The following PRKG1 variants were observed in gnomAD, a reference collection of about 807,000 sequenced individuals.
PRKG1 encodes the protein protein kinase cGMP-dependent 1.
Under a neutral mutation model 88.1 loss-of-function variants are expected in PRKG1, and 35 were observed. The ratio of observed to expected loss-of-function variants is 0.40; its 90% CI spans 0.30 to 0.53. The LOEUF is 0.53. Among genes scored for constraint, PRKG1 ranks in the 20% least tolerant of loss-of-function variants. The pLI, the probability that PRKG1 is intolerant of heterozygous loss-of-function variation, is 0.59. For synonymous variants in PRKG1, 303 were observed against 292.5 expected (o/e 1.04, Z -0.37); for missense variants, 540 against 839.8 (o/e 0.64, Z 4.41).
intron 5 of PRKG1, among the ~76,000 whole-genome samples, chr10:51,986,312 A>G (rs1844156079): frequency 6.6e-6 from 1 of 152,220 alleles, no homozygotes; most frequent in Non-Finnish European, 1.5e-5. Flanking sequence ...TCCTGTAGTT[A>G]TTTCCTTCAA....
At chr10:52,103,700 T>C (rs1847348155) in intron 7 of PRKG1, among the ~76,000 whole-genome samples, 2 of 151,984 alleles carry the variant, frequency 1.3e-5, no homozygotes, top group Non-Finnish European at 2.9e-5. Context: ...GGATTGGCAC[T>C]CCAACCCCTG....
intron 5 of PRKG1, among the ~76,000 whole-genome samples, chr10:51,924,168 CTTTA>C (rs377283465): frequency 6.6e-6 from 1 of 152,140 alleles, no homozygotes; most frequent in African/African-American, 2.4e-5. Context: ...AGTTTCTGAC[CTTTA>C]TCATTTTCCA....
At chr10:51,029,619 C>T (rs1251795654) in intron 1 of PRKG1, among the ~76,000 whole-genome samples, 1 of 152,098 alleles carries the variant, frequency 6.6e-6, no homozygotes, top group Non-Finnish European at 1.5e-5. Context: ...CAGTAGACCT[C>T]AAAAATTAGG....
chr10:52,022,082 T>C lies in PRKG1; in HGVS notation c.763-32402T>C, dbSNP rs903225750. ...CAGTAGAAGGTGATAAGATACTCTC[T>C]CAAGACTCTGAGTAGCAGTGCAGCT... On this transcript the variant is annotated intron_variant, in intron 5 of 17. Transcript: ENST00000373980. Among the ~76,000 whole-genome samples, 6 of 152,192 alleles carry C rather than the reference T, an allele frequency of 3.9e-5. No individual in the cohort carries two copies. The East Asian group carries it at 1.2e-3, about 29-fold the overall frequency.
rs190319247 is a variant in PRKG1, at chr10:51,018,570, A to G, written c.266+26926A>G. 1.6e-3 allele frequency among the ~76,000 whole-genome samples: 243 copies of G among 152,318 alleles called. 1 individual carries two copies. The highest frequency in any genetic ancestry group is 5.7e-3 in the African/African-American group (239 of 41,586). On this transcript the variant is annotated intron_variant, in intron 1 of 17. Coordinates refer to the PRKG1 transcript ENST00000401604. ...TAAAATCAGTTTTTTTGATAAGGAC[A>G]CTGAAGCAGAAAGAGGTGAATTTAG... is the stretch of plus-strand genomic sequence containing the variant.
At chr10:52,150,172 A>T (rs1564490942) in intron 8 of PRKG1, among the ~76,000 whole-genome samples, 69 of 143,330 alleles carry the variant, frequency 4.8e-4, no homozygotes, top group Middle Eastern at 3.6e-3. Flanking sequence ...AATAATAATA[A>T]TAATAATAAT....
chr10:51,965,234 A>C (rs1843539598), intron 5 of PRKG1, among the ~76,000 whole-genome samples: 1 of 151,552 alleles, frequency 6.6e-6, no homozygotes, highest in Non-Finnish European at 1.5e-5. Context: ...CTCTCTTCCC[A>C]CTCTCCACCC....
intron 12 of PRKG1, among the ~76,000 whole-genome samples, chr10:52,274,512 T>C (rs1841818821): frequency 7.0e-6 from 1 of 142,142 alleles, no homozygotes; most frequent in Non-Finnish European, 1.5e-5. Context: ...TATATATACA[T>C]GCCATCATAT....
chr10:51,209,069 AT>A (rs1410544564), intron 2 of PRKG1, among the ~76,000 whole-genome samples: 2 of 152,158 alleles, frequency 1.3e-5, no homozygotes, highest in Non-Finnish European at 2.9e-5. Flanking sequence ...GCAATGGAAA[AT>A]TTTGGTTTTC....
At chr10:51,163,577 C>T (rs926883701) in intron 2 of PRKG1, among the ~76,000 whole-genome samples, 6 of 152,158 alleles carry the variant, frequency 3.9e-5, no homozygotes, top group Non-Finnish European at 5.9e-5. Flanking sequence ...ATGTGCGAGC[C>T]GAAGCAGGGC....
At position 51,731,291 on chromosome 10, in the gene PRKG1, G is replaced by A. The variant is rs895386841; in HGVS notation, c.593-73294G>A. Among the ~76,000 whole-genome samples the A allele has an allele frequency of 9.2e-5, 14 of 152,232 alleles. No homozygotes were observed. In the East Asian group the frequency reaches 2.7e-3, roughly 29 times the overall value. On this transcript the variant is annotated intron_variant, in intron 3 of 17. Transcript: ENST00000373980. Reference sequence around the variant, plus strand: ...CATTAGCAGAAATGGGGGATTTCAAGTTTGGGAATAAAGTTTTTATTGAAA... The same window carrying A: ...CATTAGCAGAAATGGGGGATTTCAAATTTGGGAATAAAGTTTTTATTGAAA...
chr10:51,109,348 G>C (rs2131894351), intron 1 of PRKG1, among the ~76,000 whole-genome samples: 1 of 152,234 alleles, frequency 6.6e-6, no homozygotes, highest in East Asian at 1.9e-4. Context: ...CAAGAGCATA[G>C]CTGTGTGGTG....
intron 5 of PRKG1, among the ~76,000 whole-genome samples, chr10:51,932,096 A>G (rs1049761739): frequency 6.6e-6 from 1 of 152,124 alleles, no homozygotes; most frequent in Non-Finnish European, 1.5e-5. Flanking sequence ...GTAACATTAT[A>G]AATCACTTAG....
chr10:52,015,118 C>T (rs12570120), intron 5 of PRKG1, among the ~76,000 whole-genome samples: 24,862 of 152,096 alleles, frequency 0.16, 2,345 homozygotes, highest in East Asian at 0.32. Context: ...TGTGGGGGCT[C>T]CAGTCCTACA....
At chr10:51,943,043 C>T (rs1180925483) in intron 5 of PRKG1, among the ~76,000 whole-genome samples, 2 of 151,982 alleles carry the variant, frequency 1.3e-5, no homozygotes, top group East Asian at 3.9e-4. Context: ...TTACCTTGGG[C>T]AGTATGGCCA....
chr10:51,916,257 A>G (rs1473932166), intron 5 of PRKG1, among the ~76,000 whole-genome samples: 1 of 152,178 alleles, frequency 6.6e-6, no homozygotes, highest in East Asian at 1.9e-4. Flanking sequence ...AGGTTTCAGT[A>G]AAGAACCCAG....
chr10:51,652,036 A>T (rs577660458), intron 3 of PRKG1, among the ~76,000 whole-genome samples: 4 of 152,306 alleles, frequency 2.6e-5, no homozygotes, highest in South Asian at 2.1e-4. Flanking sequence ...AAACTTTATC[A>T]TTAGCTTTAA....
intron 9 of PRKG1, among the ~76,000 whole-genome samples, chr10:52,221,444 G>A (rs1169011475): frequency 1.3e-5 from 2 of 151,716 alleles, no homozygotes; most frequent in African/African-American, 4.8e-5. Context: ...AAAAACTTAG[G>A]GTTTTTTTAC....
At position 51,709,322 on chromosome 10, in the gene PRKG1, C is replaced by T. The variant is rs529318222; in HGVS notation, c.593-95263C>T. ...CCATCCTTCATATAAAAATATTGACCATTTTTCTTGACAGTTTAATGACAA... is the reference window on the plus strand; with the variant it reads ...CCATCCTTCATATAAAAATATTGACTATTTTTCTTGACAGTTTAATGACAA... On this transcript the variant is annotated intron_variant, in intron 3 of 17. Coordinates refer to ENST00000373980, the MANE Select transcript of PRKG1 (RefSeq NM_006258.4). Among the ~76,000 whole-genome samples, 58 of 152,194 alleles carry T rather than the reference C, an allele frequency of 3.8e-4. No individual in the cohort carries two copies. In the South Asian group the frequency reaches 5.8e-3, roughly 15 times the overall value.
Sources: allele counts gnomAD v4.1 joint callset (sites outside exome capture counted in the v4.1 genomes callset), GRCh38; gene constraint gnomAD v4.1.1; transcripts MANE v1.5; gene names NCBI Gene and HGNC (gene_info 2026-07-23, HGNC 2026-07-21).